Variants in ANKIB1 observed in about 807,000 individuals in gnomAD.
The protein encoded by ANKIB1 is ankyrin repeat and IBR domain containing 1.
ANKIB1 carries 43 observed loss-of-function variants against 122.1 expected under a neutral mutation model. The ratio of observed to expected loss-of-function variants is 0.35; its 90% CI spans 0.28 to 0.45. The LOEUF (loss-of-function observed/expected upper bound fraction) is 0.45. Among genes scored for constraint, ANKIB1 ranks in the 20% least tolerant of loss-of-function variants. The pLI, the probability that ANKIB1 is intolerant of heterozygous loss-of-function variation, is 1.00. For missense variants in ANKIB1, 992 were observed against 1,329.5 expected, an observed-to-expected ratio of 0.75 and a Z score of 3.95; for synonymous variants, 390 against 442.0, an observed-to-expected ratio of 0.88 and a Z score of 1.48.
At chr7:92,395,161 A>G (rs1015778844) in intron 17 of ANKIB1, among the ~76,000 whole-genome samples, 1 of 152,112 alleles carries the variant, frequency 6.6e-6, no homozygotes, top group Non-Finnish European at 1.5e-5. Flanking sequence ...TCACATTTAT[A>G]CCCAGGTAAT....
intron 9 of ANKIB1, among the ~76,000 whole-genome samples, chr7:92,358,657 G>A (rs990650665): frequency 8.7e-5 from 13 of 149,122 alleles, no homozygotes; most frequent in Admixed American, 2.7e-4. Flanking sequence ...ATTTACCAGC[G>A]TTGATTCTGC....
chr7:92,318,128 G>A (rs1398867231), intron 3 of ANKIB1, among the ~76,000 whole-genome samples: 2 of 152,152 alleles, frequency 1.3e-5, no homozygotes, highest in South Asian at 4.1e-4. Context: ...TTATGGGGTT[G>A]TTAATATTAA....
chr7:92,358,617 T>A (rs1431113712), intron 9 of ANKIB1, among the ~76,000 whole-genome samples: 1 of 151,674 alleles, frequency 6.6e-6, no homozygotes, highest in African/African-American at 2.4e-5. Context: ...CCAGAACATT[T>A]TCAGAAAATG....
chr7:92,289,766 C>A (rs1339536776), intron 1 of ANKIB1, among the ~76,000 whole-genome samples: 1 of 152,168 alleles, frequency 6.6e-6, no homozygotes, highest in East Asian at 1.9e-4. Flanking sequence ...TTTATTTGCC[C>A]ACATGCTTTT....
chr7:92,282,044 C>T (rs75142415), intron 1 of ANKIB1, among the ~76,000 whole-genome samples: 3,473 of 152,102 alleles, frequency 0.023, 134 homozygotes, highest in African/African-American at 0.08. Context: ...TTCTAAACTT[C>T]GATACATAGT....
At chr7:92,247,038 A>T (rs1801112252) in intron 1 of ANKIB1, among the ~76,000 whole-genome samples, 1 of 152,168 alleles carries the variant, frequency 6.6e-6, no homozygotes, top group Non-Finnish European at 1.5e-5. Context: ...TCTTCTCCGT[A>T]TGTATGAGCT....
intron 1 of ANKIB1, among the ~76,000 whole-genome samples, chr7:92,258,446 T>C (rs1416100098): frequency 6.6e-6 from 1 of 152,200 alleles, no homozygotes; most frequent in Non-Finnish European, 1.5e-5. Context: ...TCTAATTCAG[T>C]AAGTCTGAGT....
rs376048995 is a variant in ANKIB1 at position 92,380,394 on chromosome 7, T to C, written c.1618-6115T>C. 3.2e-4 allele frequency among the ~76,000 whole-genome samples: 48 copies of C among 152,204 alleles called. 1 individual carries two copies. The highest frequency in any genetic ancestry group is 9.9e-4 in the African/African-American group (41 of 41,532). The stretch of plus-strand genomic sequence containing the variant: ...GAAGAGAGCAGTGGTTCTCCCAGCA[T>C]GGTGTTTGAGCTCTGAGAACGGACA... On this transcript the variant is annotated intron_variant, in intron 11 of 19. Coordinates refer to ENST00000265742, the MANE Select transcript of ANKIB1 (RefSeq NM_019004.2).
At chr7:92,272,662 A>G (rs1234277639) in intron 1 of ANKIB1, among the ~76,000 whole-genome samples, 1 of 152,180 alleles carries the variant, frequency 6.6e-6, no homozygotes, top group East Asian at 1.9e-4. Flanking sequence ...GTTATGATAG[A>G]TTATTTTGCA....
chr7:92,352,006 C>T (rs1214081091), intron 8 of ANKIB1, among the ~76,000 whole-genome samples: 4 of 152,020 alleles, frequency 2.6e-5, no homozygotes, highest in African/African-American at 9.7e-5. Context: ...CAGGCGTGAG[C>T]CACTGTGCCC....
At chr7:92,332,919 T>G (rs898992234) in intron 5 of ANKIB1, among the ~76,000 whole-genome samples, 2 of 152,230 alleles carry the variant, frequency 1.3e-5, no homozygotes, top group African/African-American at 4.8e-5. Context: ...TGTTTAAAAC[T>G]AAGATCATGT....
At chr7:92,299,090 C>A (rs891916144) in intron 2 of ANKIB1, among the ~76,000 whole-genome samples, 9 of 152,124 alleles carry the variant, frequency 5.9e-5, no homozygotes, top group Non-Finnish European at 1.2e-4. Flanking sequence ...TGAATTGAGT[C>A]TGTCACTTCA....
chr7:92,320,301 A>G (rs1354069878), intron 4 of ANKIB1, among the ~76,000 whole-genome samples: 1 of 152,194 alleles, frequency 6.6e-6, no homozygotes, highest in Admixed American at 6.5e-5. Context: ...AGCCCACTGC[A>G]GTATGACTTT....
At chr7:92,247,432 T>A (rs1024868029) in intron 1 of ANKIB1, among the ~76,000 whole-genome samples, 7 of 152,252 alleles carry the variant, frequency 4.6e-5, no homozygotes, top group Non-Finnish European at 1.0e-4. Flanking sequence ...CATATTAGAT[T>A]GTATTTGATA....
chr7:92,285,129 A>G (rs192207804), intron 1 of ANKIB1, among the ~76,000 whole-genome samples: 1 of 152,148 alleles, frequency 6.6e-6, no homozygotes, highest in East Asian at 1.9e-4. Flanking sequence ...GTGCAGTGGC[A>G]CTATCTCGGC....
chr7:92,289,176 A>C (rs1046243514), intron 1 of ANKIB1, among the ~76,000 whole-genome samples: 1 of 152,244 alleles, frequency 6.6e-6, no homozygotes, highest in Non-Finnish European at 1.5e-5. Context: ...AATACTATTC[A>C]GTAATAATAA....
chr7:92,294,174 C>T (rs1176138245), intron 1 of ANKIB1, among the ~76,000 whole-genome samples: 1 of 152,172 alleles, frequency 6.6e-6, no homozygotes, highest in Non-Finnish European at 1.5e-5. Context: ...TCACATTGCC[C>T]ATGTGATGAT....
chr7:92,345,810 T>A (rs1035364955), intron 7 of ANKIB1, among the ~76,000 whole-genome samples: 9 of 151,904 alleles, frequency 5.9e-5, no homozygotes, highest in Non-Finnish European at 1.3e-4. Flanking sequence ...TTTTTTTTTT[T>A]AAATAGAGTA....
intron 1 of ANKIB1, among the ~76,000 whole-genome samples, chr7:92,294,189 A>G (rs938161554): frequency 4.6e-5 from 7 of 152,212 alleles, no homozygotes; most frequent in Non-Finnish European, 1.0e-4. Flanking sequence ...GATGATTATC[A>G]TAACCTCTTT....
Sources: allele counts gnomAD v4.1 joint callset (sites outside exome capture counted in the v4.1 genomes callset), GRCh38; gene constraint gnomAD v4.1.1; transcripts MANE v1.5; gene names NCBI Gene and HGNC (gene_info 2026-07-23, HGNC 2026-07-21).